Variants in FAM120A observed in about 807,000 individuals in gnomAD.
The protein encoded by FAM120A is family with sequence similarity 120 member A.
A neutral mutation model predicts 109.7 loss-of-function variants in FAM120A; 15 were observed. The observed-to-expected ratio is 0.14, with a 90% CI of 0.09 to 0.21. The LOEUF (loss-of-function observed/expected upper bound fraction) is 0.21, where lower values mean the gene tolerates loss of function less well. Among genes scored for constraint, FAM120A ranks in the 10% least tolerant of loss-of-function variants. The pLI, the probability that FAM120A is intolerant of heterozygous loss-of-function variation, is 1.00. For missense variants in FAM120A, 899 were observed against 1,439.3 expected (o/e 0.62, Z 6.07); for synonymous variants, 493 against 572.8 (o/e 0.86, Z 1.99).
intron 3 of FAM120A, among the ~76,000 whole-genome samples, chr9:93,491,804 A>G (rs1338423053): frequency 7.5e-6 from 1 of 133,130 alleles, no homozygotes; most frequent in African/African-American, 2.5e-5. Flanking sequence ...GTCGCAATTT[A>G]TTTGACTTTT....
Position 93,452,269 on chromosome 9 carries a change from G to C in FAM120A, c.354G>C (p.Thr118=), listed in dbSNP as rs770454889. The change falls in exon 1 of 18, where the codon ACG becomes ACC. Residue 118 remains threonine (T), a synonymous_variant. Transcript: ENST00000277165. This position sits in a 1 kb window ranked among gnomAD's most constrained non-coding sequence, Gnocchi z 7.0. ...AGCGGCAGGGCAACGAGCGCCAGAC[G>C]GCACAGCAGATCGTCAGCCATGTCC... ...WVKRQGNERQ[T]AQQIVSHVQN... 8.1e-6 allele frequency: 13 copies of C among 1,612,218 alleles called. No homozygotes were observed. Among genetic ancestry groups the C allele is most frequent in the African/African-American group, 1.3e-5 (1 of 74,908 alleles).
At chr9:93,539,823 C>T (rs1861633715) in intron 10 of FAM120A, among the ~76,000 whole-genome samples, 1 of 152,248 alleles carries the variant, frequency 6.6e-6, no homozygotes, top group Non-Finnish European at 1.5e-5. Context: ...ATTCTCATCT[C>T]TAGAGGCTAC....
chr9:93,473,692 A>G lies in FAM120A; in HGVS notation c.721+2305A>G, dbSNP rs1039444980. ...CAGTCAACAAAATTGTGATTTCACA[A>G]CTTGTGTTTGTTTGGATCTAATCTC... On this transcript the variant is annotated intron_variant, in intron 2 of 17. Transcript: ENST00000277165. 4.6e-5 allele frequency among the ~76,000 whole-genome samples: 7 copies of G among 152,354 alleles called. No individual in the cohort carries two copies. The East Asian group carries it at 1.3e-3, about 29-fold the overall frequency.
At chr9:93,478,767 C>T (rs116227407) in intron 3 of FAM120A, among the ~76,000 whole-genome samples, 1,619 of 152,288 alleles carry the variant, frequency 0.011, 35 homozygotes, top group African/African-American at 0.036. Context: ...TGAGCCACAG[C>T]ACCCGGCTCA....
chr9:93,505,713 T>C (rs1564332574), intron 5 of FAM120A, among the ~76,000 whole-genome samples: 1 of 152,228 alleles, frequency 6.6e-6, no homozygotes, highest in African/African-American at 2.4e-5. Flanking sequence ...TTGATAGATA[T>C]GTGTGGCTTA....
intron 3 of FAM120A, among the ~76,000 whole-genome samples, chr9:93,497,015 G>A (rs1186060653): frequency 6.6e-6 from 1 of 152,132 alleles, no homozygotes; most frequent in Non-Finnish European, 1.5e-5. Context: ...CAGTTTCAGG[G>A]AGTCCTGGGC....
chr9:93,517,925 G>A (rs1290848399), intron 7 of FAM120A, among the ~76,000 whole-genome samples: 2 of 152,176 alleles, frequency 1.3e-5, no homozygotes, highest in African/African-American at 4.8e-5. Context: ...CTACCTGTCT[G>A]TGAAGGTTCT....
intron 5 of FAM120A, among the ~76,000 whole-genome samples, chr9:93,509,999 G>C (rs116456488): frequency 3.3e-5 from 5 of 152,302 alleles, no homozygotes; most frequent in Middle Eastern, 3.4e-3. Context: ...ATCTTGATGA[G>C]TTTTTATCTT....
intron 3 of FAM120A, among the ~76,000 whole-genome samples, chr9:93,488,629 G>C (rs1256849244): frequency 1.3e-5 from 2 of 151,988 alleles, no homozygotes; most frequent in African/African-American, 4.8e-5. Context: ...TGGCATTTCT[G>C]ATTTACAAAT....
intron 2 of FAM120A, among the ~76,000 whole-genome samples, chr9:93,472,716 G>T (rs1256081473): frequency 6.6e-6 from 1 of 152,236 alleles, no homozygotes; most frequent in African/African-American, 2.4e-5. Flanking sequence ...ACTAGAAATT[G>T]TAAGGAGTCA....
chr9:93,452,206 C>T lies in FAM120A; in HGVS notation c.291C>T (p.Asn97=). The T allele has an allele frequency of 1.2e-6, 2 of 1,611,718 alleles. No homozygotes were observed. Among genetic ancestry groups the T allele is most frequent in the South Asian group, 2.2e-5 (2 of 90,948 alleles). ...ACATCGAGCTCTTCGTCTTCTTCAA[C>T]GGCGCGCTCGAGAAGGCCCGGCTGC... The part of the protein sequence containing the change: ...GGNIELFVFF[N]GALEKARLHE... The change falls in exon 1 of 18, where the codon AAC becomes AAT. Residue 97 remains asparagine (N), a synonymous_variant. Transcript: ENST00000277165. This position sits in a 1 kb window ranked among gnomAD's most constrained non-coding sequence, Gnocchi z 7.0.
At chr9:93,492,728 G>T (rs373111614) in intron 3 of FAM120A, among the ~76,000 whole-genome samples, 1 of 152,130 alleles carries the variant, frequency 6.6e-6, no homozygotes, top group East Asian at 1.9e-4. Context: ...ATAAACGGCC[G>T]GTGTTTTCGG....
In FAM120A at chr9:93,453,389, C is replaced by G. The variant is rs2282144; in HGVS notation, c.474+1000C>G. ...CATCCATGATCCTGGACTTCACGTT[C>G]TGATTGCTTGCTTTTTTCATTGGTT... On this transcript the variant is annotated intron_variant, in intron 1 of 17. Transcript: ENST00000277165. 35 of 985,462 alleles carry G rather than the reference C, an allele frequency of 3.6e-5. No individual in the cohort carries two copies. In the East Asian group the frequency reaches 3.7e-3, roughly 105 times the overall value. 61.0% of individuals were successfully genotyped at this position (985,462 alleles called of 1,614,324 possible). A position where few individuals can be genotyped will look rare whatever the true frequency, so the allele number is the denominator to read the frequency against.
At chr9:93,552,052 T>C (rs1862120067) in intron 12 of FAM120A, among the ~76,000 whole-genome samples, 1 of 152,196 alleles carries the variant, frequency 6.6e-6, no homozygotes, top group Admixed American at 6.5e-5. Flanking sequence ...TTGGAGATAC[T>C]TTTGCTAGTG....
rs554536245 is a variant in FAM120A at position 93,523,959 on chromosome 9, C to T, written c.1419-3196C>T. On this transcript the variant is annotated intron_variant, in intron 7 of 17. Transcript: ENST00000277165. Reference sequence around the variant, plus strand: ...TACTGGTGCTTCTGTAGGGAGATAGCACTTGGCAGGGCCAGGCCGTGCAGG... The same window carrying T: ...TACTGGTGCTTCTGTAGGGAGATAGTACTTGGCAGGGCCAGGCCGTGCAGG... Among the ~76,000 whole-genome samples the T allele has an allele frequency of 2.0e-4, 31 of 152,322 alleles. No homozygotes were observed. In the South Asian group the frequency reaches 5.6e-3, roughly 27 times the overall value.
At position 93,485,504 on chromosome 9, in the gene FAM120A, G is replaced by A. The variant is rs535570244; in HGVS notation, c.804+9166G>A. On this transcript the variant is annotated intron_variant, in intron 3 of 17. Transcript: ENST00000277165. ...CCCAACTACTTGACAGACTGAAGTG[G>A]AAGGATTGCTTGAGCCTGGGATATC... is the stretch of plus-strand genomic sequence containing the variant. Among the ~76,000 whole-genome samples the A allele has an allele frequency of 2.6e-5, 4 of 152,286 alleles. No individual in the cohort carries two copies. In the East Asian group the frequency reaches 7.7e-4, roughly 29 times the overall value.
At chr9:93,460,831 T>G (rs893699608) in intron 1 of FAM120A, among the ~76,000 whole-genome samples, 3 of 152,202 alleles carry the variant, frequency 2.0e-5, no homozygotes, top group Non-Finnish European at 4.4e-5. Context: ...AAAGTCCCCC[T>G]AGAGTTAATT....
At chr9:93,529,192 G>T (rs1176063652) in intron 8 of FAM120A, among the ~76,000 whole-genome samples, 161 bp from the exon 9 acceptor site, 1 of 152,202 alleles carries the variant, frequency 6.6e-6, no homozygotes, top group Non-Finnish European at 1.5e-5. Context: ...AGTGCTCTCT[G>T]TTTCCTCTGT....
intron 5 of FAM120A, among the ~76,000 whole-genome samples, chr9:93,501,827 A>C (rs78865387): frequency 0.077 from 11,694 of 152,306 alleles, 580 homozygotes; most frequent in Non-Finnish European, 0.1. Context: ...TTGTAAAAAT[A>C]ACTTTAGTTT....
Sources: gnomAD v4.1 joint callset for allele counts (sites outside exome capture counted in the v4.1 genomes callset) on GRCh38, gnomAD v4.1.1 for gene constraint, Gnocchi (gnomAD v3.1) non-coding constraint, MANE v1.5 for transcripts, NCBI Gene and HGNC (gene_info 2026-07-23, HGNC 2026-07-21) for gene names.